MIER1: variants seen among roughly 807,000 people sequenced by gnomAD.
The protein encoded by MIER1 is MIER1 transcriptional regulator.
MIER1 carries 40 observed loss-of-function variants against 75.7 expected under a neutral mutation model. That is an observed-to-expected ratio of 0.53 (90% CI 0.41 to 0.69). MIER1 has a LOEUF of 0.69. Among genes scored for constraint, MIER1 ranks in the 30% least tolerant of loss-of-function variants. The pLI is 0.00. For synonymous variants in MIER1, 213 were observed against 223.4 expected, an observed-to-expected ratio of 0.95 and a Z score of 0.42; for missense variants, 574 against 680.2, an observed-to-expected ratio of 0.84 and a Z score of 1.74.
intron 2 of MIER1, among the ~76,000 whole-genome samples, chr1:66,935,311 A>G (rs1186864242): frequency 6.6e-6 from 1 of 152,186 alleles, no homozygotes; most frequent in African/African-American, 2.4e-5. Context: ...AAATCATACA[A>G]ATATGTGGGT....
At chr1:66,959,792 TA>T in intron 7 of MIER1, 49 bp downstream of exon 7, 4 of 929,278 alleles carry the variant, frequency 4.3e-6, no homozygotes, top group Non-Finnish European at 4.6e-6. Context: ...AATATTTTTT[TA>T]AAAAGCCTCG....
intron 13 of MIER1, among the ~76,000 whole-genome samples, chr1:66,982,597 A>G (rs1171596460): frequency 6.6e-6 from 1 of 152,224 alleles, no homozygotes; most frequent in Non-Finnish European, 1.5e-5. Context: ...AAGAGTTCCA[A>G]GAAGAAAGTA....
At chr1:66,978,377 A>G (rs938030830) in intron 12 of MIER1, among the ~76,000 whole-genome samples, 2 of 152,162 alleles carry the variant, frequency 1.3e-5, no homozygotes. Flanking sequence ...AATGGGTATG[A>G]TTCACCCTTG....
intron 3 of MIER1, among the ~76,000 whole-genome samples, chr1:66,945,856 A>G (rs1657511258): frequency 1.3e-5 from 2 of 152,112 alleles, no homozygotes. Context: ...GAAGAAGAAG[A>G]AAAAAAAGAA....
intron 4 of MIER1, among the ~76,000 whole-genome samples, chr1:66,952,704 C>T (rs927358059): frequency 2.0e-5 from 3 of 152,196 alleles, no homozygotes; most frequent in Admixed American, 6.5e-5. Context: ...TGCAGCAGTG[C>T]GATCTTGGCT....
chr1:66,973,600 C>T (rs1319235248), intron 11 of MIER1, among the ~76,000 whole-genome samples: 2 of 151,862 alleles, frequency 1.3e-5, no homozygotes, highest in Non-Finnish European at 2.9e-5. Flanking sequence ...TTTATAATTA[C>T]TTACAGATTT....
At chr1:66,964,749 G>T (rs1185516306) in intron 8 of MIER1, among the ~76,000 whole-genome samples, 2 of 152,172 alleles carry the variant, frequency 1.3e-5, no homozygotes, top group Non-Finnish European at 2.9e-5. Context: ...ACTGCACCTG[G>T]CCGTATGTGT....
chr1:66,975,356 A>G (rs1484024002), intron 11 of MIER1, among the ~76,000 whole-genome samples: 1 of 152,028 alleles, frequency 6.6e-6, no homozygotes, highest in Non-Finnish European at 1.5e-5. Context: ...GCAAAACCCC[A>G]TCTCTACAAA....
chr1:66,964,272 G>T (rs1424983871), intron 8 of MIER1, among the ~76,000 whole-genome samples: 2 of 150,144 alleles, frequency 1.3e-5, no homozygotes, highest in South Asian at 2.1e-4. Context: ...ATAGGGTTTC[G>T]CCATGTTGGC....
chr1:66,986,572 A>G lies in MIER1; in HGVS notation c.*1672A>G, dbSNP rs973008889. 5.8e-5 allele frequency: 55 copies of G among 948,482 alleles called. No homozygotes were observed. The highest frequency in any genetic ancestry group is 4.9e-5 in the Non-Finnish European group (29 of 591,496). The allele number at this position is 948,482 out of a possible 1,614,324, so 58.8% of individuals were successfully genotyped here. On this transcript the variant is annotated 3_prime_UTR_variant, in exon 14 of 14. Coordinates refer to ENST00000401041, the MANE Select transcript of MIER1 (RefSeq NM_001077700.3). ...CATTCAGGCCTTACCCCCATGAAGT[A>G]TTACTGTTAACATATGTTCGGACTG...
intron 4 of MIER1, among the ~76,000 whole-genome samples, chr1:66,949,375 C>T (rs1236098097): frequency 6.6e-6 from 1 of 152,040 alleles, no homozygotes; most frequent in Admixed American, 6.6e-5. Flanking sequence ...CTGTTTTTCT[C>T]TCCTATTCCT....
intron 3 of MIER1, among the ~76,000 whole-genome samples, chr1:66,945,755 A>T (rs1657479840): frequency 6.6e-6 from 1 of 152,122 alleles, no homozygotes. Context: ...GCTACTTTGG[A>T]GGCTGAGGTA....
At chr1:66,966,117 T>C (rs1162222820) in intron 8 of MIER1, among the ~76,000 whole-genome samples, 3 of 152,116 alleles carry the variant, frequency 2.0e-5, no homozygotes, top group African/African-American at 2.4e-5. Context: ...ACATGTGCCA[T>C]GTTGGTGTGC....
At chr1:66,959,801 T>A in intron 7 of MIER1, 58 bp downstream of exon 7, 1 of 805,708 alleles carries the variant, frequency 1.2e-6, no homozygotes, top group Non-Finnish European at 1.8e-6. Context: ...TTAAAAAGCC[T>A]CGTGTAATTA....
At chr1:66,975,636 C>T (rs987801043) in intron 11 of MIER1, among the ~76,000 whole-genome samples, 3 of 152,142 alleles carry the variant, frequency 2.0e-5, no homozygotes, top group African/African-American at 7.2e-5. Context: ...CCAGTTCTCC[C>T]GGCTAAGTAA....
At chr1:66,957,153 G>C (rs1660304074) in intron 4 of MIER1, among the ~76,000 whole-genome samples, 4 of 152,140 alleles carry the variant, frequency 2.6e-5, no homozygotes, top group Non-Finnish European at 5.9e-5. Context: ...TTTATAATCA[G>C]AATTCTGTTA....
chr1:66,951,902 GTGT>G (rs1659055410), intron 4 of MIER1, among the ~76,000 whole-genome samples: 1 of 152,238 alleles, frequency 6.6e-6, no homozygotes, highest in African/African-American at 2.4e-5. Context: ...CAGAAGGGCA[GTGT>G]AAAGCAGTGA....
chr1:66,971,088 A>G (rs1414194313), intron 9 of MIER1, 129 bp downstream of exon 9: 1 of 817,016 alleles, frequency 1.2e-6, no homozygotes, highest in Non-Finnish European at 1.8e-6. Flanking sequence ...CTGAGGTTAT[A>G]ATCCCTGTAA....
intron 8 of MIER1, among the ~76,000 whole-genome samples, chr1:66,970,467 T>G (rs1042720226): frequency 6.6e-6 from 1 of 152,170 alleles, no homozygotes; most frequent in African/African-American, 2.4e-5. Context: ...TGTTACCTCC[T>G]TTCACAGATG....
Sources: allele counts gnomAD v4.1 joint callset (sites outside exome capture counted in the v4.1 genomes callset), GRCh38; gene constraint gnomAD v4.1.1; transcripts MANE v1.5; gene names NCBI Gene and HGNC (gene_info 2026-07-23, HGNC 2026-07-21).